Variants in DMD observed in about 807,000 individuals in gnomAD.
DMD encodes the protein dystrophin.
Under a neutral mutation model 330.1 loss-of-function variants are expected in DMD, and 63 were observed. That is an observed-to-expected ratio of 0.19 (90% CI 0.16 to 0.24). The LOEUF is 0.24. DMD is among the 10% of genes least tolerant of loss of function. DMD has a pLI of 1.00. For missense variants in DMD, 3,344 were observed against 2,684.1 expected (o/e 1.25, Z -5.43); for synonymous variants, 1,223 against 959.8 (o/e 1.27, Z -5.07).
At position 31,236,878 on chromosome X, in the gene DMD, G is replaced by A. The variant is rs186122211; in HGVS notation, c.9287-13757C>T. Among the ~76,000 whole-genome samples the A allele has an allele frequency of 1.1e-3, 124 of 111,597 alleles. 1 individual carries two copies. Among genetic ancestry groups the A allele is most frequent in the Middle Eastern group, 4.6e-3 (1 of 217 alleles). ...TTTTGGTAACTTCAACTAATCATAT[G>A]TTTTGACAGTCAAATTAAGATTCTT... On this transcript the variant is annotated intron_variant, in intron 63 of 78. Transcript: ENST00000357033.
At chrX:33,214,085 C>T (rs1016007013), upstream of DMD, among the ~76,000 whole-genome samples, 1 of 105,014 alleles carries the variant, frequency 9.5e-6, no homozygotes, top group Non-Finnish European at 1.9e-5. Flanking sequence ...TACTTGAGAT[C>T]CATTTAAGTT....
chrX:32,355,446 T>C (rs1438575846), intron 37 of DMD, among the ~76,000 whole-genome samples: 1 of 111,597 alleles, frequency 9.0e-6, no homozygotes. Context: ...TAATTTTCCT[T>C]TATCAAAGGA....
intron 43 of DMD, among the ~76,000 whole-genome samples, chrX:32,280,034 A>G (rs2097410730): frequency 2.1e-5 from 1 of 48,735 alleles, no homozygotes; most frequent in African/African-American, 6.8e-5. Flanking sequence ...ACATATATAT[A>G]TACCCCACAT....
intron 48 of DMD, among the ~76,000 whole-genome samples, chrX:31,844,065 T>C (rs1018250253): frequency 8.0e-5 from 9 of 111,812 alleles, no homozygotes; most frequent in African/African-American, 2.9e-4. Flanking sequence ...TTCACCATGT[T>C]GGCCAGGATG....
intron 43 of DMD, among the ~76,000 whole-genome samples, chrX:32,259,125 A>G (rs1308223338): frequency 9.1e-6 from 1 of 110,164 alleles, no homozygotes; most frequent in African/African-American, 3.3e-5. Context: ...AACATACTAA[A>G]TCTTGTTTTG....
At chrX:32,521,911 T>G (rs1047481711) in intron 17 of DMD, among the ~76,000 whole-genome samples, 1 of 111,387 alleles carries the variant, frequency 9.0e-6, no homozygotes, top group African/African-American at 3.3e-5. Context: ...ATGAAATGAG[T>G]CCCCTTAAAA....
chrX:31,514,589 A>G (rs1420053934), intron 55 of DMD, among the ~76,000 whole-genome samples: 1 of 112,471 alleles, frequency 8.9e-6, no homozygotes, highest in Non-Finnish European at 1.9e-5. Flanking sequence ...ACATGAAATA[A>G]TAATACATAC....
chrX:33,059,042 G>A (rs2148061555), intron 1 of DMD, among the ~76,000 whole-genome samples: 1 of 111,817 alleles, frequency 8.9e-6, no homozygotes, highest in East Asian at 2.8e-4. Flanking sequence ...TGTTATTAGT[G>A]TATTATAATA....
At chrX:32,303,375 G>A (rs2097529967) in intron 42 of DMD, among the ~76,000 whole-genome samples, 1 of 110,664 alleles carries the variant, frequency 9.0e-6, no homozygotes, top group South Asian at 3.8e-4. Flanking sequence ...AGATACAGTG[G>A]TGGAGGAAAA....
intron 60 of DMD, among the ~76,000 whole-genome samples, chrX:31,378,523 A>G (rs143970030): frequency 0.082 from 9,126 of 110,715 alleles, 969 homozygotes; most frequent in African/African-American, 0.28. Context: ...TTCCCTTGGT[A>G]TTTAATCACG....
intron 18 of DMD, among the ~76,000 whole-genome samples, chrX:32,515,810 C>A (rs757010746): frequency 1.5e-4 from 17 of 111,506 alleles, no homozygotes; most frequent in South Asian, 7.6e-4. Context: ...CTGACAAGCT[C>A]CCAGATAATG....
rs751352378 is a variant in DMD, at chrX:32,429,902, T to G, written c.4071+8339A>C. Among the ~76,000 whole-genome samples the G allele has an allele frequency of 2.7e-5, 3 of 111,629 alleles. No individual in the cohort carries two copies. In the East Asian group the frequency reaches 8.5e-4, roughly 31 times the overall value. On this transcript the variant is annotated intron_variant, in intron 29 of 78. Coordinates refer to ENST00000357033, the MANE Select transcript of DMD (RefSeq NM_004006.3). ...TTTTGTATTTAAAAGCTTAACTATT[T>G]TTTCATCATACTTATTGCATCTAAA...
At chrX:31,295,248 G>A (rs1221258058) in intron 62 of DMD, among the ~76,000 whole-genome samples, 1 of 110,817 alleles carries the variant, frequency 9.0e-6, no homozygotes, top group Non-Finnish European at 1.9e-5. Flanking sequence ...GCCCACCTCG[G>A]CCTCACAAAG....
At chrX:32,846,955 C>A (rs1014795774) in intron 3 of DMD, among the ~76,000 whole-genome samples, 3 of 109,130 alleles carry the variant, frequency 2.7e-5, no homozygotes, top group Admixed American at 9.9e-5. Flanking sequence ...TGCAGTGAGC[C>A]AAGATCATGT....
chrX:32,041,502 C>CATTG (rs1279320434), intron 44 of DMD, among the ~76,000 whole-genome samples: 1 of 112,151 alleles, frequency 8.9e-6, no homozygotes, highest in Non-Finnish European at 1.9e-5. Flanking sequence ...TCTGAGTTAA[C>CATTG]ATTGGGCTTA....
rs917445547 is a variant in DMD, at chrX:33,222,556, G to A, written c.7+116703C>T. On this transcript the variant is annotated intron_variant, in intron 1 of 17. Coordinates refer to the DMD transcript ENST00000288447. ...AGTTCTAGCCAGTGCAATGAGGCAAGACAATTAAATCAATCCATACAGATG... is the reference window on the plus strand; with the variant it reads ...AGTTCTAGCCAGTGCAATGAGGCAAAACAATTAAATCAATCCATACAGATG... Among the ~76,000 whole-genome samples, 4 of 112,134 alleles carry A rather than the reference G, an allele frequency of 3.6e-5. No individual in the cohort carries two copies. The Admixed American group carries it at 3.8e-4, about 11-fold the overall frequency.
intron 63 of DMD, among the ~76,000 whole-genome samples, chrX:31,233,831 T>C (rs1485372416): frequency 2.7e-5 from 3 of 112,415 alleles, no homozygotes; most frequent in Non-Finnish European, 1.9e-5. Context: ...ATTACTTCTC[T>C]GGTAACCACA....
chrX:31,329,925 C>G (rs1192161224), intron 61 of DMD, among the ~76,000 whole-genome samples: 2 of 87,485 alleles, frequency 2.3e-5, no homozygotes, highest in African/African-American at 9.0e-5. Context: ...CAGCTGAGAT[C>G]GTGCCACTGC....
At chrX:31,579,607 GA>G (rs1267716107) in intron 55 of DMD, among the ~76,000 whole-genome samples, 1 of 111,190 alleles carries the variant, frequency 9.0e-6, no homozygotes. Context: ...CTGTATTAAG[GA>G]AAAAAACACT....
Sources: gnomAD v4.1 joint callset for allele counts (sites outside exome capture counted in the v4.1 genomes callset) on GRCh38, gnomAD v4.1.1 for gene constraint, MANE v1.5 for transcripts, NCBI Gene and HGNC (gene_info 2026-07-23, HGNC 2026-07-21) for gene names.